PTGR3: variants seen among roughly 807,000 people sequenced by gnomAD.
PTGR3 encodes prostaglandin reductase 3.
At chr18:75,204,602 G>C in the PTGR3 span, among the ~76,000 whole-genome samples, 1 of 152,206 alleles carries the variant, frequency 6.6e-6, no homozygotes, top group Non-Finnish European at 1.5e-5. Context: ...GCCCGCTGCA[G>C]CCCTCAGCTC....
At chr18:75,205,444 C>G in the PTGR3 span, 1 of 985,304 alleles carries the variant, frequency 1.0e-6, no homozygotes, top group Middle Eastern at 5.2e-4. Context: ...ACGGGAGGAT[C>G]CACTTAAAAG....
At chr18:75,201,892 G>T in the PTGR3 span, 2 of 1,614,164 alleles carry the variant, frequency 1.2e-6, no homozygotes, top group Non-Finnish European at 1.7e-6. Context: ...TTGATAGGAC[G>T]ATCACAGCCA....
chr18:75,206,168 T>C, the PTGR3 span, among the ~76,000 whole-genome samples: 1 of 152,346 alleles, frequency 6.6e-6, no homozygotes. Flanking sequence ...CCATCAATTA[T>C]ACATTCTATA....
At chr18:75,200,854 T>C in the PTGR3 span, 1 of 152,318 alleles carries the variant, frequency 6.6e-6, no homozygotes, top group Non-Finnish European at 1.5e-5. Context: ...ATTTTTCTAA[T>C]AACAAAATCA....
At chr18:75,201,443 T>G in the PTGR3 span, 1 of 1,612,626 alleles carries the variant, frequency 6.2e-7, no homozygotes, top group African/African-American at 1.3e-5. Flanking sequence ...CAGAGTGAGG[T>G]AATTCAACTA....
At chr18:75,201,489 T>G in the PTGR3 span, 24 of 1,614,118 alleles carry the variant, frequency 1.5e-5, no homozygotes, top group Non-Finnish European at 1.9e-5. Context: ...GTACATATAA[T>G]TGACAGCACG....
At chr18:75,202,745 G>A in the PTGR3 span, among the ~76,000 whole-genome samples, 6 of 151,644 alleles carry the variant, frequency 4.0e-5, no homozygotes, top group Non-Finnish European at 7.4e-5. Context: ...CTGGAGCTGT[G>A]AGTTGGAAAT....
chr18:75,208,968 G>C, the PTGR3 span: 2 of 1,594,922 alleles, frequency 1.3e-6, no homozygotes, highest in Non-Finnish European at 1.7e-6. Context: ...TGCATGGCTT[G>C]GGGAATGGCG....
the PTGR3 span, chr18:75,196,657 A>AAAAAAACG: frequency 7.8e-6 from 1 of 128,040 alleles, no homozygotes; most frequent in Non-Finnish European, 1.6e-5. Context: ...AAAAAAAAAA[A>AAAAAAACG]GTCTGTACTT....
chr18:75,206,619 G>C, the PTGR3 span, among the ~76,000 whole-genome samples: 1 of 152,192 alleles, frequency 6.6e-6, no homozygotes, highest in East Asian at 1.9e-4. Flanking sequence ...GGTGGGAGCA[G>C]ATTTTCCAAC....
At chr18:75,207,078 C>G in the PTGR3 span, among the ~76,000 whole-genome samples, 4 of 152,200 alleles carry the variant, frequency 2.6e-5, no homozygotes, top group African/African-American at 2.4e-5. Flanking sequence ...TATTAACACT[C>G]GCAGGTAGAG....
the PTGR3 span, chr18:75,201,740 C>G: frequency 4.3e-6 from 7 of 1,614,206 alleles, no homozygotes; most frequent in Non-Finnish European, 5.9e-6. Context: ...CAGAGATAAA[C>G]CCTATTACTA....
the PTGR3 span, chr18:75,205,440 G>A: frequency 2.2e-5 from 22 of 985,462 alleles, no homozygotes; most frequent in Non-Finnish European, 2.7e-5. Flanking sequence ...TCCGACGGGA[G>A]GATCCACTTA....
the PTGR3 span, chr18:75,201,908 T>C: frequency 1.2e-6 from 2 of 1,614,208 alleles, no homozygotes; most frequent in Non-Finnish European, 1.7e-6. Flanking sequence ...AGCCAAGAGA[T>C]TTCAGAAAAG....
the PTGR3 span, chr18:75,200,140 T>A: frequency 2.0e-5 from 3 of 152,142 alleles, no homozygotes; most frequent in Non-Finnish European, 4.4e-5. Flanking sequence ...TCTGGTGGGC[T>A]TCACCTTCAA....
the PTGR3 span, among the ~76,000 whole-genome samples, chr18:75,204,924 C>T: frequency 6.6e-6 from 1 of 152,234 alleles, no homozygotes; most frequent in Non-Finnish European, 1.5e-5. Context: ...TGACCGTGAC[C>T]TTGGCCTCGC....
the PTGR3 span, chr18:75,201,767 A>G: frequency 5.0e-6 from 8 of 1,614,232 alleles, no homozygotes; most frequent in Non-Finnish European, 6.8e-6. Flanking sequence ...GCCCTTTCGT[A>G]GCCAGGGCGT....
At chr18:75,207,619 C>G in the PTGR3 span, among the ~76,000 whole-genome samples, 1 of 151,818 alleles carries the variant, frequency 6.6e-6, no homozygotes, top group African/African-American at 2.4e-5. Flanking sequence ...CCCCCACCCC[C>G]GCCTCCACAC....
At chr18:75,196,223 C>T in the PTGR3 span, 1 of 152,166 alleles carries the variant, frequency 6.6e-6, no homozygotes, top group Non-Finnish European at 1.5e-5. Context: ...ATGCTACCAC[C>T]TATGTGCAGG....
Sources: gnomAD v4.1 joint callset for allele counts (sites outside exome capture counted in the v4.1 genomes callset) on GRCh38, gnomAD v4.1.1 for gene constraint, MANE v1.5 for transcripts, NCBI Gene and HGNC (gene_info 2026-07-23, HGNC 2026-07-21) for gene names.